The following TMCO6 variants were observed in gnomAD, a reference collection of about 807,000 sequenced individuals.
TMCO6 encodes transmembrane and coiled-coil domains 6.
In TMCO6, 47 loss-of-function variants were observed where a neutral mutation model predicts 61.8. The ratio of observed to expected loss-of-function variants is 0.76; its 90% CI spans 0.60 to 0.97. The LOEUF is 0.97. Ranked by LOEUF, TMCO6 falls within the 50% of genes least tolerant of loss-of-function variation. The pLI is 0.00. For missense variants in TMCO6, 557 were observed against 601.6 expected (o/e 0.93, Z 0.78); for synonymous variants, 261 against 254.2 (o/e 1.03, Z -0.25).
chr5:140,639,382 C>T (rs1756867244), upstream of TMCO6: 4 of 773,984 alleles, frequency 5.2e-6, no homozygotes, highest in Admixed American at 5.2e-5. Context: ...CGCCGAGCCC[C>T]GCCCTCACCC....
At chr5:140,629,295 C>T in the TMCO6 span, among the ~76,000 whole-genome samples, 28,866 of 150,844 alleles carry the variant, frequency 0.19, 3,267 homozygotes, top group East Asian at 0.3. Context: ...CAAACAAAAC[C>T]CAAAAAACTA....
chr5:140,647,335 C>T (rs73271536), downstream of TMCO6: 911 of 1,606,374 alleles, frequency 5.7e-4, 2 homozygotes, highest in African/African-American at 0.011. Flanking sequence ...CCTTCTTCAG[C>T]TCCACGTAGC....
chr5:140,632,437 G>A, the TMCO6 span: 1 of 1,614,222 alleles, frequency 6.2e-7, no homozygotes, highest in Non-Finnish European at 8.5e-7. The surrounding 1 kb of genome is among the most constrained non-coding windows in gnomAD (Gnocchi z 6.2). Flanking sequence ...GAAAAGGCAG[G>A]CGAGTGTGCT....
rs1042300268 is a variant in TMCO6, at chr5:140,645,184, A to G, written c.*86A>G. 1.5e-6 allele frequency: 2 copies of G among 1,339,200 alleles called. No individual in the cohort carries two copies. Among genetic ancestry groups the G allele is most frequent in the African/African-American group, 2.9e-5 (2 of 69,486 alleles). 83.0% of individuals were successfully genotyped at this position (1,339,200 alleles called of 1,614,324 possible). On this transcript the variant is annotated 3_prime_UTR_variant, in exon 12 of 12. Coordinates refer to ENST00000394671, the MANE Select transcript of TMCO6 (RefSeq NM_018502.5). ...GAGCCTTTGGAGATTTAGGACCATA[A>G]TGAGGTCTCATGTTCTCTGCTCCCA...
the TMCO6 span, among the ~76,000 whole-genome samples, chr5:140,596,963 A>C: frequency 1.3e-5 from 2 of 152,354 alleles, no homozygotes; most frequent in African/African-American, 4.8e-5. Flanking sequence ...TAAGTTGGTA[A>C]CCAGTGCAGA....
At chr5:140,622,736 AAAAAAAG>A in the TMCO6 span, among the ~76,000 whole-genome samples, 1 of 151,810 alleles carries the variant, frequency 6.6e-6, no homozygotes, top group African/African-American at 2.4e-5. Context: ...AAAAAAAAAA[AAAAAAAG>A]AAAGAAAAAA....
the TMCO6 span, among the ~76,000 whole-genome samples, chr5:140,597,576 C>T: frequency 6.6e-6 from 1 of 152,174 alleles, no homozygotes; most frequent in South Asian, 2.1e-4. Flanking sequence ...TTATTCATTC[C>T]ATACCCTCAG....
Position 140,641,690 on chromosome 5 carries a change from A to G in TMCO6, c.224A>G (p.Gln75Arg), listed in dbSNP as rs776735284. ...GTGCAGCAGTTCCTGCGGCAAGCCC[A>G]GCGGGGGACAGAGGAAAAGGAGAGA... ...TEVQQFLRQA[Q>R]RGTEEKEREG... Residue 75 changes from glutamine to arginine, a missense_variant, in exon 3 of 12, where the codon CAG becomes CGG. Gln to Arg is a conservative substitution (Grantham distance 43). Transcript: ENST00000394671. 1 of 1,614,132 alleles carries G rather than the reference A, an allele frequency of 6.2e-7. No individual in the cohort carries two copies.
chr5:140,632,267 G>A, the TMCO6 span: 3 of 1,613,578 alleles, frequency 1.9e-6, no homozygotes, highest in Non-Finnish European at 2.5e-6. This position sits in a 1 kb window ranked among gnomAD's most constrained non-coding sequence, Gnocchi z 6.2. Context: ...CGGCGCACAC[G>A]CCTGTGGGCG....
chr5:140,600,679 G>T, the TMCO6 span, among the ~76,000 whole-genome samples: 1 of 151,994 alleles, frequency 6.6e-6, no homozygotes, highest in Admixed American at 6.6e-5. Flanking sequence ...TGGCCAGCCT[G>T]GTCTCAAGCT....
intron 2 of TMCO6, chr5:140,641,356 A>G (rs1757019786): frequency 6.8e-6 from 2 of 293,460 alleles, no homozygotes; most frequent in South Asian, 5.4e-5. Context: ...AGGTTTTGCC[A>G]GGCTGAGAGG....
the TMCO6 span, among the ~76,000 whole-genome samples, chr5:140,612,243 T>C: frequency 6.6e-6 from 1 of 152,004 alleles, no homozygotes; most frequent in African/African-American, 2.4e-5. Context: ...AGCCCTTGCA[T>C]CTCTCAGTCC....
chr5:140,645,746 ATCTTTG>A (rs780805726), downstream of TMCO6: 1 of 1,609,740 alleles, frequency 6.2e-7, no homozygotes, highest in East Asian at 2.2e-5. Context: ...AAAATAAAAG[ATCTTTG>A]TCTTTATCTT....
At chr5:140,647,135 C>G (rs895750024), downstream of TMCO6, 1 of 1,084,744 alleles carries the variant, frequency 9.2e-7, no homozygotes, top group Admixed American at 2.9e-5. Flanking sequence ...AGATCAACAG[C>G]AAGGCTAAAG....
the TMCO6 span, among the ~76,000 whole-genome samples, chr5:140,627,158 T>C: frequency 6.6e-6 from 1 of 152,138 alleles, no homozygotes; most frequent in African/African-American, 2.4e-5. Flanking sequence ...AAACTGTTTC[T>C]CTACTAGTCT....
In TMCO6 at chr5:140,643,762, C is replaced by T; in HGVS notation, c.919-18C>T. ...ACCTCTTCCTTCTTACACCTGACCC[C>T]CCAATTTGTCTTTGCAGCTGGCATG... On this transcript the variant is annotated intron_variant, in intron 8 of 11. Coordinates refer to ENST00000394671, the MANE Select transcript of TMCO6 (RefSeq NM_018502.5). 1.2e-6 allele frequency: 2 copies of T among 1,611,968 alleles called. No individual in the cohort carries two copies. Among genetic ancestry groups the T allele is most frequent in the African/African-American group, 2.7e-5 (2 of 74,990 alleles).
chr5:140,617,731 C>CAAA, the TMCO6 span, among the ~76,000 whole-genome samples: 1 of 119,202 alleles, frequency 8.4e-6, no homozygotes. Context: ...GAGTCTCTGT[C>CAAA]AAAAAAAAAA....
the TMCO6 span, among the ~76,000 whole-genome samples, chr5:140,613,338 G>T: frequency 2.1e-5 from 3 of 143,062 alleles, no homozygotes; most frequent in African/African-American, 7.9e-5. Context: ...GCAGTGAGCC[G>T]AGATCGTGCC....
chr5:140,646,965 A>C, downstream of TMCO6: 1 of 327,642 alleles, frequency 3.1e-6, no homozygotes. Flanking sequence ...TATTTGGAGA[A>C]ACTATATTGA....
Sources: gnomAD v4.1 joint callset for allele counts (sites outside exome capture counted in the v4.1 genomes callset) on GRCh38, gnomAD v4.1.1 for gene constraint, Gnocchi (gnomAD v3.1) non-coding constraint, MANE v1.5 for transcripts, NCBI Gene and HGNC (gene_info 2026-07-23, HGNC 2026-07-21) for gene names.